ARHGAP24: variants seen among roughly 807,000 people sequenced by gnomAD.
The protein encoded by ARHGAP24 is rho GTPase-activating protein 24.
ARHGAP24 carries 50 observed loss-of-function variants against 76.4 expected under a neutral mutation model. That is an observed-to-expected ratio of 0.65 (90% confidence interval 0.52 to 0.83). ARHGAP24 has a LOEUF of 0.83. Ranked by LOEUF, ARHGAP24 falls within the 40% of genes least tolerant of loss-of-function variation. The pLI, the probability that ARHGAP24 is intolerant of heterozygous loss-of-function variation, is 0.00. For synonymous variants in ARHGAP24, 345 were observed against 323.3 expected, an observed-to-expected ratio of 1.07 and a Z score of -0.72; for missense variants, 930 against 914.2, an observed-to-expected ratio of 1.02 and a Z score of -0.22.
intron 3 of ARHGAP24, among the ~76,000 whole-genome samples, chr4:85,861,308 G>A (rs572384683): frequency 3.9e-5 from 6 of 152,002 alleles, no homozygotes; most frequent in South Asian, 4.1e-4. Context: ...AACATGAGCC[G>A]GAACAGTGAA....
chr4:85,694,596 A>G (rs1723801652), intron 2 of ARHGAP24, among the ~76,000 whole-genome samples: 1 of 152,184 alleles, frequency 6.6e-6, no homozygotes, highest in Non-Finnish European at 1.5e-5. Context: ...GTTTGCAAAC[A>G]TGGAGAAAAA....
chr4:85,522,879 GTAGAACTATAGTCCC>G (rs1724840703), intron 1 of ARHGAP24, among the ~76,000 whole-genome samples: 1 of 152,182 alleles, frequency 6.6e-6, no homozygotes. Context: ...TTAGAGGTAT[GTAGAACTATAGTCCC>G]TCACTTTGAC....
At chr4:85,933,281 AT>A (rs551917304) in intron 4 of ARHGAP24, among the ~76,000 whole-genome samples, 1 of 151,974 alleles carries the variant, frequency 6.6e-6, no homozygotes, top group Non-Finnish European at 1.5e-5. Flanking sequence ...AAATATATAT[AT>A]TTTTTTACTG....
chr4:85,957,193 C>T (rs1057508150), intron 5 of ARHGAP24, among the ~76,000 whole-genome samples: 4 of 152,202 alleles, frequency 2.6e-5, no homozygotes, highest in Non-Finnish European at 5.9e-5. Context: ...CTCTCACCCT[C>T]ATGATTTTAG....
intron 3 of ARHGAP24, among the ~76,000 whole-genome samples, chr4:85,910,896 C>T (rs1269959045): frequency 6.6e-6 from 1 of 152,160 alleles, no homozygotes; most frequent in Admixed American, 6.5e-5. Flanking sequence ...GGGGCCTCAC[C>T]CGAGACCCAC....
intron 1 of ARHGAP24, among the ~76,000 whole-genome samples, chr4:85,527,851 G>A (rs1725073734): frequency 6.6e-6 from 1 of 152,008 alleles, no homozygotes; most frequent in Non-Finnish European, 1.5e-5. Flanking sequence ...CAAGAAGTAG[G>A]TATGGATTTT....
intron 1 of ARHGAP24, among the ~76,000 whole-genome samples, chr4:85,554,202 G>T (rs1466601991): frequency 7.2e-6 from 1 of 138,422 alleles, no homozygotes; most frequent in African/African-American, 2.5e-5. Flanking sequence ...CACTTTTTAG[G>T]TCACCTATGC....
At chr4:85,552,042 C>G (rs1474059046) in intron 1 of ARHGAP24, among the ~76,000 whole-genome samples, 1 of 151,660 alleles carries the variant, frequency 6.6e-6, no homozygotes, top group Non-Finnish European at 1.5e-5. Context: ...CTGATTTTGG[C>G]TATTTCATGT....
At chr4:85,484,070 T>C (rs1472215344) in intron 1 of ARHGAP24, among the ~76,000 whole-genome samples, 1 of 152,244 alleles carries the variant, frequency 6.6e-6, no homozygotes, top group Non-Finnish European at 1.5e-5. Flanking sequence ...TGCTGTCCAG[T>C]GTTTGTGTGA....
At chr4:85,660,011 G>C (rs188387651) in intron 2 of ARHGAP24, among the ~76,000 whole-genome samples, 1 of 152,200 alleles carries the variant, frequency 6.6e-6, no homozygotes, top group Non-Finnish European at 1.5e-5. Context: ...AGGACTTGTT[G>C]CTAGGGGGAG....
intron 3 of ARHGAP24, among the ~76,000 whole-genome samples, chr4:85,803,954 C>CT (rs200225395): frequency 0.085 from 11,373 of 133,050 alleles, 710 homozygotes; most frequent in East Asian, 0.3. Flanking sequence ...TTTTCTTTTT[C>CT]TTTTTTTTTT....
chr4:85,657,042 A>G (rs551117217), intron 2 of ARHGAP24, among the ~76,000 whole-genome samples: 4 of 152,324 alleles, frequency 2.6e-5, no homozygotes, highest in East Asian at 1.9e-4. Context: ...TAACATTGCA[A>G]TGGTGTTTTG....
In ARHGAP24 at chr4:85,574,393, A is replaced by G. The variant is rs1009354935; in HGVS notation, c.180+3672A>G. On this transcript the variant is annotated intron_variant, in intron 2 of 9. Transcript: ENST00000395184. Reference sequence around the variant, plus strand: ...TGAGGACTGTCTAGAGGGCTTGGGAAGGGCTGCATAAGGCAAGAGGTGACC... The same window carrying G: ...TGAGGACTGTCTAGAGGGCTTGGGAGGGGCTGCATAAGGCAAGAGGTGACC... 3.3e-5 allele frequency among the ~76,000 whole-genome samples: 5 copies of G among 152,212 alleles called. No homozygotes were observed. The East Asian group carries it at 5.8e-4, about 18-fold the overall frequency.
intron 1 of ARHGAP24, among the ~76,000 whole-genome samples, chr4:85,555,797 G>A (rs1014713716): frequency 3.3e-5 from 5 of 152,220 alleles, no homozygotes; most frequent in Non-Finnish European, 7.3e-5. Context: ...ATCAGCCTGG[G>A]GTGGGGTGGC....
At chr4:85,828,559 G>A (rs895476442) in intron 3 of ARHGAP24, among the ~76,000 whole-genome samples, 9 of 150,920 alleles carry the variant, frequency 6.0e-5, no homozygotes, top group Middle Eastern at 3.2e-3. Context: ...CAAATAATAC[G>A]TGCTATCTTT....
chr4:85,893,837 A>C (rs917942664), intron 3 of ARHGAP24, among the ~76,000 whole-genome samples: 3 of 149,810 alleles, frequency 2.0e-5, no homozygotes, highest in Non-Finnish European at 3.0e-5. Context: ...TTCTCAGTAA[A>C]CTATCGCAAG....
At chr4:85,599,302 G>A (rs1312748179) in intron 2 of ARHGAP24, among the ~76,000 whole-genome samples, 1 of 152,156 alleles carries the variant, frequency 6.6e-6, no homozygotes, top group African/African-American at 2.4e-5. Flanking sequence ...GTATTGAGCA[G>A]CCTGTCTAAG....
intron 2 of ARHGAP24, among the ~76,000 whole-genome samples, chr4:85,635,047 T>G (rs1721272325): frequency 6.6e-6 from 1 of 151,934 alleles, no homozygotes; most frequent in Non-Finnish European, 1.5e-5. Context: ...GACTGTCAGC[T>G]ATTTATTTCT....
chr4:85,481,988 G>A (rs1055624845), intron 1 of ARHGAP24, among the ~76,000 whole-genome samples: 2 of 152,178 alleles, frequency 1.3e-5, no homozygotes, highest in African/African-American at 4.8e-5. Flanking sequence ...CCTGTTTGAG[G>A]AGATACCTAG....
Sources: allele counts gnomAD v4.1 joint callset (sites outside exome capture counted in the v4.1 genomes callset), GRCh38; gene constraint gnomAD v4.1.1; transcripts MANE v1.5; gene names NCBI Gene and HGNC (gene_info 2026-07-23, HGNC 2026-07-21).